EVI5: variants seen among roughly 807,000 people sequenced by gnomAD.
EVI5 encodes ecotropic viral integration site 5, also known as ecotropic viral integration site 5 protein homolog.
A neutral mutation model predicts 112.0 loss-of-function variants in EVI5; 73 were observed. The observed-to-expected ratio is 0.65, with a 90% CI of 0.54 to 0.79. The LOEUF (loss-of-function observed/expected upper bound fraction) is 0.79, where lower values mean the gene tolerates loss of function less well. Ranked by LOEUF, EVI5 falls within the 30% of genes least tolerant of loss-of-function variation. The probability of loss-of-function intolerance (pLI) is 0.00; values close to 1 mark genes in which losing one functional copy is unlikely to be tolerated. For missense variants in EVI5, 900 were observed against 968.8 expected (o/e 0.93, Z 0.94); for synonymous variants, 305 against 319.9 (o/e 0.95, Z 0.50).
At chr1:92,682,208 T>C (rs1438019594) in intron 9 of EVI5, among the ~76,000 whole-genome samples, 1 of 152,140 alleles carries the variant, frequency 6.6e-6, no homozygotes, top group African/African-American at 2.4e-5. Flanking sequence ...TTCCCCCAGA[T>C]AATCCCATGA....
intron 18 of EVI5, among the ~76,000 whole-genome samples, chr1:92,594,472 A>T (rs1461789765): frequency 6.6e-6 from 1 of 151,004 alleles, no homozygotes; most frequent in African/African-American, 2.4e-5. Context: ...CCTAGAAGAA[A>T]ACCTAGGCAA....
intron 14 of EVI5, among the ~76,000 whole-genome samples, chr1:92,628,571 G>A (rs1656199790): frequency 1.3e-5 from 2 of 151,970 alleles, no homozygotes; most frequent in Admixed American, 6.6e-5. Flanking sequence ...CCCAGCACAC[G>A]GATACAAGAC....
intron 9 of EVI5, among the ~76,000 whole-genome samples, chr1:92,677,783 A>C (rs1666981741): frequency 6.6e-6 from 1 of 152,232 alleles, no homozygotes; most frequent in East Asian, 1.9e-4. Flanking sequence ...GTCTCAAATT[A>C]TCTCTCCTAA....
At chr1:92,593,052 C>A (rs904564608) in intron 18 of EVI5, among the ~76,000 whole-genome samples, 1 of 152,226 alleles carries the variant, frequency 6.6e-6, no homozygotes, top group Admixed American at 6.5e-5. Flanking sequence ...AAGAGGGAAT[C>A]CTCCCTAACT....
At chr1:92,662,162 A>C (rs1247060512) in intron 13 of EVI5, among the ~76,000 whole-genome samples, 1 of 152,196 alleles carries the variant, frequency 6.6e-6, no homozygotes, top group Non-Finnish European at 1.5e-5. Flanking sequence ...AATCTTTTTC[A>C]TCTTTGCAAC....
At chr1:92,713,975 T>C in intron 2 of EVI5, 1 of 946,080 alleles carries the variant, frequency 1.1e-6, no homozygotes, top group Non-Finnish European at 1.3e-6. Context: ...TAAAATGCAA[T>C]CCTATTATAC....
chr1:92,695,475 G>C, intron 6 of EVI5, 22 bp from the exon 7 acceptor site: 1 of 1,512,904 alleles, frequency 6.6e-7, no homozygotes, highest in Non-Finnish European at 9.0e-7. Flanking sequence ...AAAATAATTA[G>C]TTATAACACA....
At chr1:92,561,624 T>TC (rs1215993165) in intron 19 of EVI5, among the ~76,000 whole-genome samples, 37 of 141,614 alleles carry the variant, frequency 2.6e-4, no homozygotes, top group Non-Finnish European at 3.5e-4. Context: ...TATCTATCTA[T>TC]CTATCTATCT....
chr1:92,678,523 C>T (rs11164796), intron 9 of EVI5, among the ~76,000 whole-genome samples: 87,382 of 151,742 alleles, frequency 0.58, 26,861 homozygotes, highest in East Asian at 0.91. Context: ...TTCCCTGCAA[C>T]GCCCAGAAAG....
In EVI5 at chr1:92,511,158, C is replaced by T. The variant is rs944665867; in HGVS notation, c.*2498G>A. On this transcript the variant is annotated 3_prime_UTR_variant, in exon 20 of 20. Coordinates refer to ENST00000684568, the MANE Select transcript of EVI5 (RefSeq NM_001350197.2). ...CATTTAAATTATGTTGTCAAAAAAG[C>T]AGGGAATTGCCAGGTGTGGTGGCTT... is the stretch of plus-strand genomic sequence containing the variant. 2.0e-5 allele frequency: 3 copies of T among 152,040 alleles called. No homozygotes were observed. The highest frequency in any genetic ancestry group is 2.9e-5 in the Non-Finnish European group (2 of 68,012). The allele number at this position is 152,040 out of a possible 1,614,324, so 9.4% of individuals were successfully genotyped here.
At chr1:92,587,451 A>G (rs1027219618) in intron 18 of EVI5, among the ~76,000 whole-genome samples, 1 of 151,992 alleles carries the variant, frequency 6.6e-6, no homozygotes, top group Non-Finnish European at 1.5e-5. Context: ...CAAACTAATC[A>G]CAAAGCTTTA....
chr1:92,538,247 T>C (rs1375344168), intron 19 of EVI5, among the ~76,000 whole-genome samples: 1 of 152,200 alleles, frequency 6.6e-6, no homozygotes, highest in African/African-American at 2.4e-5. Flanking sequence ...AGGTCAACGC[T>C]GATGAGGCTA....
At chr1:92,675,461 G>A (rs914281402) in intron 10 of EVI5, among the ~76,000 whole-genome samples, 2 of 152,148 alleles carry the variant, frequency 1.3e-5, no homozygotes, top group African/African-American at 4.8e-5. Flanking sequence ...TTCTTCAAGA[G>A]TAAGGATTGT....
intron 14 of EVI5, among the ~76,000 whole-genome samples, chr1:92,633,981 T>C (rs1009049684): frequency 6.6e-6 from 1 of 152,256 alleles, no homozygotes; most frequent in Non-Finnish European, 1.5e-5. Context: ...TTGAAAATTC[T>C]TTTCTTTAAG....
intron 9 of EVI5, among the ~76,000 whole-genome samples, chr1:92,681,304 C>T (rs1572264653): frequency 2.0e-5 from 3 of 152,212 alleles, no homozygotes; most frequent in Admixed American, 2.0e-4. Context: ...TCAAATGGAC[C>T]TCCCCCAAAA....
At chr1:92,761,546 T>C (rs538995209) in intron 1 of EVI5, among the ~76,000 whole-genome samples, 1 of 152,208 alleles carries the variant, frequency 6.6e-6, no homozygotes, top group African/African-American at 2.4e-5. Flanking sequence ...TTTAAGGAGT[T>C]TTCAAGGAGT....
At chr1:92,597,190 C>T (rs1404468762) in intron 18 of EVI5, among the ~76,000 whole-genome samples, 1 of 152,030 alleles carries the variant, frequency 6.6e-6, no homozygotes, top group East Asian at 2.0e-4. Flanking sequence ...ACCACAGAGA[C>T]ATTCAGGATT....
At chr1:92,564,212 T>C (rs1669070537) in intron 18 of EVI5, among the ~76,000 whole-genome samples, 1 of 152,130 alleles carries the variant, frequency 6.6e-6, no homozygotes, top group Non-Finnish European at 1.5e-5. Flanking sequence ...ATAAATATAA[T>C]TTATAAAATA....
chr1:92,606,889 C>CAA (rs1438936892), intron 17 of EVI5, among the ~76,000 whole-genome samples: 1 of 92,098 alleles, frequency 1.1e-5, no homozygotes, highest in African/African-American at 3.8e-5. Flanking sequence ...AGTTATTTCA[C>CAA]ACACACACAC....
Sources: gnomAD v4.1 joint callset for allele counts (sites outside exome capture counted in the v4.1 genomes callset) on GRCh38, gnomAD v4.1.1 for gene constraint, MANE v1.5 for transcripts, NCBI Gene and HGNC (gene_info 2026-07-23, HGNC 2026-07-21) for gene names.